RAB7A: variants seen among roughly 807,000 people sequenced by gnomAD.
RAB7A encodes ras-related protein Rab-7a.
Under a neutral mutation model 24.5 loss-of-function variants are expected in RAB7A, and 2 were observed. The observed-to-expected ratio is 0.08, with a 90% confidence interval of 0.03 to 0.26. The LOEUF (loss-of-function observed/expected upper bound fraction) is 0.26, where lower values mean the gene tolerates loss of function less well. Ranked by LOEUF, RAB7A falls within the 10% of genes least tolerant of loss-of-function variation. The probability of loss-of-function intolerance (pLI) is 1.00; values close to 1 mark genes in which losing one functional copy is unlikely to be tolerated. For synonymous variants in RAB7A, 100 were observed against 95.9 expected (o/e 1.04, Z -0.25); for missense variants, 118 against 255.7 (o/e 0.46, Z 3.67).
At chr3:128,802,428 C>A (rs1326573776) in intron 3 of RAB7A, among the ~76,000 whole-genome samples, 5 of 152,172 alleles carry the variant, frequency 3.3e-5, no homozygotes, top group African/African-American at 1.2e-4. Flanking sequence ...ACAGAGGGCA[C>A]AGGGTGCACC....
intron 1 of RAB7A, among the ~76,000 whole-genome samples, chr3:128,770,713 A>T (rs2070876805): frequency 6.6e-6 from 1 of 152,170 alleles, no homozygotes; most frequent in South Asian, 2.1e-4. Context: ...TCTGTGACTT[A>T]TAGTTTCGTT....
At chr3:128,736,323 G>A (rs1043058030) in intron 1 of RAB7A, among the ~76,000 whole-genome samples, 1 of 152,114 alleles carries the variant, frequency 6.6e-6, no homozygotes, top group African/African-American at 2.4e-5. Flanking sequence ...AACAGCCTTT[G>A]TACATTTTAT....
chr3:128,759,615 A>T (rs1439063684), intron 1 of RAB7A, among the ~76,000 whole-genome samples: 2 of 152,338 alleles, frequency 1.3e-5, no homozygotes, highest in East Asian at 3.9e-4. Context: ...CCTCAGCCTG[A>T]AGATCTCAGC....
At chr3:128,740,875 T>A in intron 1 of RAB7A, among the ~76,000 whole-genome samples, 1 of 123,200 alleles carries the variant, frequency 8.1e-6, no homozygotes, top group African/African-American at 2.9e-5. Context: ...TACTCCAGCC[T>A]AGGTGACAGA....
At chr3:128,748,917 G>C (rs923142300) in intron 1 of RAB7A, 1 of 152,088 alleles carries the variant, frequency 6.6e-6, no homozygotes, top group Admixed American at 6.5e-5. Context: ...GGTCTCCCAG[G>C]CTCCACAAAT....
intron 1 of RAB7A, among the ~76,000 whole-genome samples, chr3:128,767,215 G>A (rs2070840801): frequency 6.6e-6 from 1 of 152,216 alleles, no homozygotes; most frequent in Non-Finnish European, 1.5e-5. Flanking sequence ...GAGTTGCTGG[G>A]TTTGAGTCAC....
At chr3:128,757,160 A>G (rs1426058103) in intron 1 of RAB7A, among the ~76,000 whole-genome samples, 3 of 152,078 alleles carry the variant, frequency 2.0e-5, no homozygotes, top group Non-Finnish European at 2.9e-5. Context: ...CCACTCTTGT[A>G]CATACATCAC....
intron 1 of RAB7A, among the ~76,000 whole-genome samples, chr3:128,788,426 A>G (rs1245812295): frequency 6.6e-6 from 1 of 151,600 alleles, no homozygotes; most frequent in Non-Finnish European, 1.5e-5. Flanking sequence ...AAAAGGTAAA[A>G]GCCACAGTAT....
At chr3:128,776,799 T>C (rs1296908648) in intron 1 of RAB7A, among the ~76,000 whole-genome samples, 1 of 152,294 alleles carries the variant, frequency 6.6e-6, no homozygotes, top group East Asian at 1.9e-4. Context: ...CTGTACTGAT[T>C]TACATTCCCA....
intron 3 of RAB7A, among the ~76,000 whole-genome samples, chr3:128,802,106 A>T (rs76135448): frequency 1.3e-5 from 2 of 152,254 alleles, no homozygotes; most frequent in Non-Finnish European, 2.9e-5. Flanking sequence ...AAGTGATTTC[A>T]TGAAGATAGG....
intron 1 of RAB7A, among the ~76,000 whole-genome samples, chr3:128,726,944 A>C (rs571615886): frequency 6.6e-6 from 1 of 152,352 alleles, no homozygotes; most frequent in African/African-American, 2.4e-5. Context: ...GCTGGGAGAC[A>C]GGGAGCTTTT....
chr3:128,757,449 G>T (rs1444538855), intron 1 of RAB7A, among the ~76,000 whole-genome samples: 1 of 152,062 alleles, frequency 6.6e-6, no homozygotes, highest in Non-Finnish European at 1.5e-5. Flanking sequence ...TAGAAGTACA[G>T]GCGAGGCAGA....
chr3:128,810,932 T>C (rs187899363), intron 5 of RAB7A, among the ~76,000 whole-genome samples: 136 of 152,188 alleles, frequency 8.9e-4, no homozygotes, highest in African/African-American at 2.1e-3. Flanking sequence ...TGGGCACCTG[T>C]AATCCCAGCT....
At chr3:128,747,731 G>A (rs1418253525) in intron 1 of RAB7A, among the ~76,000 whole-genome samples, 1 of 151,618 alleles carries the variant, frequency 6.6e-6, no homozygotes, top group Non-Finnish European at 1.5e-5. Flanking sequence ...CTTTGGGCCT[G>A]CAGGAAGCAA....
At chr3:128,756,226 C>G (rs1458250062) in intron 1 of RAB7A, among the ~76,000 whole-genome samples, 1 of 151,982 alleles carries the variant, frequency 6.6e-6, no homozygotes, top group East Asian at 1.9e-4. Flanking sequence ...ATCCCAGCTA[C>G]TTGGGAGGTG....
intron 1 of RAB7A, among the ~76,000 whole-genome samples, chr3:128,755,526 A>G (rs1032519538): frequency 2.6e-5 from 4 of 152,168 alleles, no homozygotes; most frequent in African/African-American, 9.7e-5. Context: ...AGAAAAATTC[A>G]GCAAATCCAA....
chr3:128,793,864 A>T (rs1313962973), intron 1 of RAB7A, among the ~76,000 whole-genome samples: 1 of 152,194 alleles, frequency 6.6e-6, no homozygotes, highest in Non-Finnish European at 1.5e-5. Context: ...TTTGGCAGAG[A>T]AACAGCTTGA....
rs1279033887 is a variant in RAB7A, at chr3:128,772,064, CATAAG to C, written c.-8-23294_-8-23290del. Among the ~76,000 whole-genome samples, 2 of 152,244 alleles carry C rather than the reference CATAAG, an allele frequency of 1.3e-5. 1 individual carries two copies. The highest frequency in any genetic ancestry group is 4.2e-4 in the South Asian group (2 of 4,816). On this transcript the variant is annotated intron_variant, in intron 1 of 5. Coordinates refer to ENST00000265062, the MANE Select transcript of RAB7A (RefSeq NM_004637.6). ...TGAACACATGTTAAAAATTTTAACT[CATAAG>C]ACAAGCAGTTACAACCAGTTCAGGG... is the stretch of plus-strand genomic sequence containing the variant.
intron 1 of RAB7A, among the ~76,000 whole-genome samples, chr3:128,783,499 G>A (rs1050747101): frequency 3.3e-5 from 5 of 152,046 alleles, no homozygotes; most frequent in Admixed American, 1.3e-4. Flanking sequence ...GCCCATTTGA[G>A]ACAAGCCGTG....
Sources: gnomAD v4.1 joint callset for allele counts (sites outside exome capture counted in the v4.1 genomes callset) on GRCh38, gnomAD v4.1.1 for gene constraint, MANE v1.5 for transcripts, NCBI Gene and HGNC (gene_info 2026-07-23, HGNC 2026-07-21) for gene names.